Variants in GRM3 observed in about 807,000 individuals in gnomAD.
GRM3 encodes the protein glutamate metabotropic receptor 3.
In GRM3, 26 loss-of-function variants were observed where a neutral mutation model predicts 70.5. The ratio of observed to expected loss-of-function variants is 0.37; its 90% CI spans 0.27 to 0.51. The LOEUF (loss-of-function observed/expected upper bound fraction) is 0.51. GRM3 is among the 20% of genes least tolerant of loss of function. The pLI is 0.93. For synonymous variants in GRM3, 443 were observed against 434.9 expected (o/e 1.02, Z -0.23); for missense variants, 859 against 1,123.8 (o/e 0.76, Z 3.37).
At chr7:86,837,291 C>A (rs1274990213) in intron 3 of GRM3, among the ~76,000 whole-genome samples, 1 of 152,102 alleles carries the variant, frequency 6.6e-6, no homozygotes, top group Non-Finnish European at 1.5e-5. Context: ...ATTGAAGGAT[C>A]CTTTTAGCCC....
Position 86,786,402 on chromosome 7 carries a change from A to G in GRM3, c.610A>G (p.Ile204Val). ...CTACCAGGCCAAAGCCATGGCTGAG[A>G]TCTTGCGCTTCTTCAACTGGACCTA... ...DFYQAKAMAE[I>V]LRFFNWTYVS... The change falls in exon 3 of 6, where the codon ATC (isoleucine) becomes GTC (valine). Residue 204 changes from isoleucine (I) to valine (V), a missense_variant. Coordinates refer to ENST00000361669, the MANE Select transcript of GRM3 (RefSeq NM_000840.3). The surrounding 1 kb of genome is among the most constrained non-coding windows in gnomAD (Gnocchi z 6.0). The G allele has an allele frequency of 6.2e-7, 1 of 1,614,142 alleles. No individual in the cohort carries two copies. Among genetic ancestry groups the G allele is most frequent in the Non-Finnish European group, 8.5e-7 (1 of 1,180,012 alleles).
chr7:86,764,404 T>C (rs1326782406), intron 1 of GRM3, among the ~76,000 whole-genome samples: 1 of 152,116 alleles, frequency 6.6e-6, no homozygotes, highest in Non-Finnish European at 1.5e-5. Context: ...TAGAAATAAG[T>C]AGCAGCTTTT....
intron 1 of GRM3, among the ~76,000 whole-genome samples, chr7:86,670,443 T>G (rs1794142022): frequency 6.6e-6 from 1 of 152,216 alleles, no homozygotes; most frequent in African/African-American, 2.4e-5. Context: ...AATGGGACTC[T>G]CATTTTCTTA....
At position 86,749,960 on chromosome 7, in the gene GRM3, CT is replaced by C. The variant is rs562175904; in HGVS notation, c.-140-15045del. Reference sequence around the variant, plus strand: ...GAGCAAGTAGCACTTAAGTTTGCCCCTAAGCTAGTTTTACTCATCTATTTAT... The same window carrying C: ...GAGCAAGTAGCACTTAAGTTTGCCCCAAGCTAGTTTTACTCATCTATTTAT... On this transcript the variant is annotated intron_variant, in intron 1 of 5. Coordinates refer to ENST00000361669, the MANE Select transcript of GRM3 (RefSeq NM_000840.3). Among the ~76,000 whole-genome samples the C allele has an allele frequency of 1.2e-3, 175 of 152,042 alleles. 1 individual carries two copies. Among genetic ancestry groups the C allele is most frequent in the African/African-American group, 3.9e-3 (162 of 41,496 alleles).
intron 1 of GRM3, among the ~76,000 whole-genome samples, chr7:86,747,951 A>G (rs752156446): frequency 3.9e-5 from 6 of 152,046 alleles, no homozygotes; most frequent in Admixed American, 1.3e-4. Context: ...TGCGCAGGGA[A>G]CAGTTAGTAT....
intron 1 of GRM3, 66 bp from the exon 2 acceptor site, chr7:86,764,940 G>A (rs1796564637): frequency 1.7e-6 from 2 of 1,154,176 alleles, no homozygotes; most frequent in Non-Finnish European, 2.3e-6. Flanking sequence ...GTCTGATTGG[G>A]CATGATCGAT....
At chr7:86,827,395 A>C (rs1331413471) in intron 3 of GRM3, among the ~76,000 whole-genome samples, 1 of 152,244 alleles carries the variant, frequency 6.6e-6, no homozygotes, top group African/African-American at 2.4e-5. Context: ...AAATTTTAGA[A>C]TTTATGTTTA....
intron 1 of GRM3, among the ~76,000 whole-genome samples, chr7:86,738,276 C>G (rs1003424984): frequency 6.6e-6 from 1 of 152,130 alleles, no homozygotes; most frequent in Non-Finnish European, 1.5e-5. Flanking sequence ...TGGAAGATGT[C>G]AAATTCACAC....
At chr7:86,716,501 G>T (rs890282820) in intron 1 of GRM3, among the ~76,000 whole-genome samples, 1 of 151,798 alleles carries the variant, frequency 6.6e-6, no homozygotes, top group Non-Finnish European at 1.5e-5. Context: ...AGGTTTTCCT[G>T]ACTCTAGAGG....
intron 5 of GRM3, among the ~76,000 whole-genome samples, chr7:86,851,329 A>G (rs1157167563): frequency 1.3e-5 from 2 of 152,124 alleles, no homozygotes; most frequent in African/African-American, 4.8e-5. Context: ...TGGCCTGCAA[A>G]TGTCTGAAAC....
At chr7:86,810,072 T>C (rs1797879537) in intron 3 of GRM3, among the ~76,000 whole-genome samples, 1 of 152,050 alleles carries the variant, frequency 6.6e-6, no homozygotes, top group Non-Finnish European at 1.5e-5. Flanking sequence ...TAAACTCTAA[T>C]GATCCTCAAA....
chr7:86,763,563 T>G (rs1169283981), intron 1 of GRM3, among the ~76,000 whole-genome samples: 1 of 152,146 alleles, frequency 6.6e-6, no homozygotes, highest in Admixed American at 6.6e-5. Context: ...GTCCAAAACA[T>G]GATCCTCACA....
chr7:86,845,096 G>A (rs997669442), intron 4 of GRM3, among the ~76,000 whole-genome samples: 9 of 152,090 alleles, frequency 5.9e-5, no homozygotes, highest in African/African-American at 2.2e-4. Context: ...CACCATGTTG[G>A]CCAGGCTGGT....
At position 86,709,267 on chromosome 7, in the gene GRM3, G is replaced by C. The variant is rs181313657; in HGVS notation, c.-140-55739G>C. ...CTTAAGGTCCCCGTAACCGCAATGA[G>C]TTCCCCTAATTCACCCAACTCCACC... On this transcript the variant is annotated intron_variant, in intron 1 of 5. Transcript: ENST00000361669. 8.6e-4 allele frequency among the ~76,000 whole-genome samples: 131 copies of C among 151,938 alleles called. 3 individuals are homozygous for C. The highest frequency in any genetic ancestry group is 8.5e-3 in the Admixed American group (130 of 15,224).
At chr7:86,808,466 C>A (rs948083758) in intron 3 of GRM3, among the ~76,000 whole-genome samples, 1 of 151,292 alleles carries the variant, frequency 6.6e-6, no homozygotes, top group African/African-American at 2.5e-5. Flanking sequence ...TAGCAATGGC[C>A]CCACCCTCTT....
At chr7:86,721,651 A>G (rs1365195565) in intron 1 of GRM3, among the ~76,000 whole-genome samples, 1 of 152,102 alleles carries the variant, frequency 6.6e-6, no homozygotes, top group Admixed American at 6.6e-5. Flanking sequence ...AAACCTCTCT[A>G]TCATCGAGCC....
At chr7:86,646,387 T>G (rs1354042033) in intron 1 of GRM3, among the ~76,000 whole-genome samples, 1 of 152,168 alleles carries the variant, frequency 6.6e-6, no homozygotes, top group African/African-American at 2.4e-5. Context: ...TATTGGGTTT[T>G]GATCACCCAG....
At chr7:86,850,650 C>A in intron 5 of GRM3, 106 bp downstream of exon 5, 1 of 766,650 alleles carries the variant, frequency 1.3e-6, no homozygotes, top group Non-Finnish European at 2.3e-6. Context: ...AATCTCAATT[C>A]GATTTTACTA....
At chr7:86,653,518 T>C (rs1313345213) in intron 1 of GRM3, among the ~76,000 whole-genome samples, 1 of 152,224 alleles carries the variant, frequency 6.6e-6, no homozygotes, top group Non-Finnish European at 1.5e-5. Flanking sequence ...CTATAAGTTG[T>C]ATGAATAGAT....
Sources: allele counts gnomAD v4.1 joint callset (sites outside exome capture counted in the v4.1 genomes callset), GRCh38; gene constraint gnomAD v4.1.1; non-coding constraint Gnocchi (gnomAD v3.1); transcripts MANE v1.5; gene names NCBI Gene and HGNC (gene_info 2026-07-23, HGNC 2026-07-21).